EXT1: variants seen among roughly 807,000 people sequenced by gnomAD.
EXT1 encodes the protein exostosin glycosyltransferase 1.
EXT1 carries 20 observed loss-of-function variants against 82.5 expected under a neutral mutation model. The observed-to-expected ratio is 0.24, with a 90% CI of 0.17 to 0.35. The LOEUF is 0.35. Ranked by LOEUF, EXT1 falls within the 10% of genes least tolerant of loss-of-function variation. EXT1 has a pLI of 1.00. For synonymous variants in EXT1, 348 were observed against 350.8 expected (o/e 0.99, Z 0.09); for missense variants, 757 against 936.5 (o/e 0.81, Z 2.50).
At chr8:117,996,127 C>T (rs961859864) in intron 1 of EXT1, among the ~76,000 whole-genome samples, 7 of 152,158 alleles carry the variant, frequency 4.6e-5, no homozygotes, top group Non-Finnish European at 1.0e-4. Flanking sequence ...GGCTACTTCC[C>T]TTGGTTCCTT....
intron 1 of EXT1, among the ~76,000 whole-genome samples, chr8:117,893,682 G>T (rs140690096): frequency 1.3e-5 from 2 of 152,136 alleles, no homozygotes; most frequent in Non-Finnish European, 2.9e-5. Context: ...GACTAACCAC[G>T]CTTTGAGCAA....
chr8:118,024,562 T>C (rs943194301), intron 1 of EXT1, among the ~76,000 whole-genome samples: 3 of 152,158 alleles, frequency 2.0e-5, no homozygotes, highest in African/African-American at 7.2e-5. Flanking sequence ...TCTGTCTTCT[T>C]GGAACTTGCA....
At chr8:117,851,132 GA>G (rs1262302235) in intron 1 of EXT1, among the ~76,000 whole-genome samples, 1 of 151,892 alleles carries the variant, frequency 6.6e-6, no homozygotes. Flanking sequence ...ACAAGGGAGG[GA>G]ATCATAAAAT....
chr8:118,022,329 T>TC (rs1209519115), intron 1 of EXT1, among the ~76,000 whole-genome samples: 18 of 92,726 alleles, frequency 1.9e-4, no homozygotes, highest in South Asian at 3.8e-4. Context: ...ATATATTCTT[T>TC]TTTTTTTTTT....
intron 10 of EXT1, among the ~76,000 whole-genome samples, chr8:117,800,328 A>C (rs888808108): frequency 2.6e-5 from 4 of 152,106 alleles, no homozygotes; most frequent in Non-Finnish European, 5.9e-5. Flanking sequence ...ATACCCACCA[A>C]CTTTTAGAAG....
chr8:117,984,843 G>A (rs551541243), intron 1 of EXT1, among the ~76,000 whole-genome samples: 3 of 152,268 alleles, frequency 2.0e-5, no homozygotes, highest in African/African-American at 4.8e-5. Context: ...AACTCAAAAT[G>A]AGGAGGAAAC....
intron 1 of EXT1, among the ~76,000 whole-genome samples, chr8:117,849,584 TTCTCTC>T (rs1224439208): frequency 3.3e-5 from 5 of 152,164 alleles, no homozygotes; most frequent in African/African-American, 1.2e-4. Context: ...GACGCTAGCT[TTCTCTC>T]TCTAGTTAAT....
intron 1 of EXT1, among the ~76,000 whole-genome samples, chr8:117,980,697 G>GT (rs1491146564): frequency 0.12 from 3,263 of 27,120 alleles, 419 homozygotes; most frequent in East Asian, 0.16. Flanking sequence ...GGGTGTTGGT[G>GT]GTTTTTTTTT....
intron 1 of EXT1, among the ~76,000 whole-genome samples, chr8:118,096,668 A>AAGGAAGGG: frequency 1.1e-5 from 1 of 93,400 alleles, no homozygotes; most frequent in Admixed American, 1.1e-4. Flanking sequence ...GGAAGGAAGG[A>AAGGAAGGG]AGGAAGGGAG....
chr8:118,104,551 C>G (rs1273611421), intron 1 of EXT1, among the ~76,000 whole-genome samples: 2 of 152,160 alleles, frequency 1.3e-5, no homozygotes, highest in African/African-American at 4.8e-5. Context: ...TCTCAAACAC[C>G]TTGTTCAGAA....
At chr8:118,059,762 C>G (rs1439893007) in intron 1 of EXT1, among the ~76,000 whole-genome samples, 2 of 152,200 alleles carry the variant, frequency 1.3e-5, no homozygotes, top group Non-Finnish European at 2.9e-5. Flanking sequence ...GAGGAAGGAC[C>G]AATTTCTATA....
At chr8:117,879,948 T>C (rs1165114488) in intron 1 of EXT1, among the ~76,000 whole-genome samples, 1 of 152,214 alleles carries the variant, frequency 6.6e-6, no homozygotes, top group Non-Finnish European at 1.5e-5. Context: ...TGTTAATTTA[T>C]AAATAAAACA....
intron 1 of EXT1, among the ~76,000 whole-genome samples, chr8:117,939,899 T>C (rs375133316): frequency 6.6e-6 from 1 of 152,194 alleles, no homozygotes; most frequent in East Asian, 1.9e-4. Flanking sequence ...AAACAGAAGA[T>C]TGTTGAGAAA....
chr8:117,988,021 G>T (rs1468320883), intron 1 of EXT1, among the ~76,000 whole-genome samples: 1 of 152,208 alleles, frequency 6.6e-6, no homozygotes, highest in African/African-American at 2.4e-5. Flanking sequence ...CTGGAAAGTT[G>T]AGGCTGTGGT....
chr8:117,913,832 A>G (rs1189233542), intron 1 of EXT1, among the ~76,000 whole-genome samples: 1 of 152,244 alleles, frequency 6.6e-6, no homozygotes, highest in East Asian at 1.9e-4. Context: ...GGAAGAATGA[A>G]CAACTCATTC....
intron 3 of EXT1, chr8:117,831,734 T>C (rs899536284): frequency 6.0e-5 from 28 of 465,152 alleles, no homozygotes; most frequent in Admixed American, 3.6e-4. Flanking sequence ...TGTAACAGAG[T>C]TTCCATTGGA....
chr8:117,968,700 G>T (rs1814878490), intron 1 of EXT1, among the ~76,000 whole-genome samples: 1 of 102,128 alleles, frequency 9.8e-6, no homozygotes, highest in Admixed American at 9.8e-5. Context: ...CTCCCGAGTA[G>T]CTGGGACTAT....
At chr8:118,030,603 TC>T (rs1326964109) in intron 1 of EXT1, among the ~76,000 whole-genome samples, 5 of 152,166 alleles carry the variant, frequency 3.3e-5, no homozygotes, top group African/African-American at 1.2e-4. Flanking sequence ...TGGCTTAGCC[TC>T]CCGAATAGCT....
At chr8:118,057,669 T>C (rs1286020156) in intron 1 of EXT1, among the ~76,000 whole-genome samples, 1 of 126,272 alleles carries the variant, frequency 7.9e-6, no homozygotes, top group East Asian at 2.1e-4. Flanking sequence ...GTCTGGTCTC[T>C]TTAAAAAAAA....
Sources: allele counts gnomAD v4.1 joint callset (sites outside exome capture counted in the v4.1 genomes callset), GRCh38; gene constraint gnomAD v4.1.1; transcripts MANE v1.5; gene names NCBI Gene and HGNC (gene_info 2026-07-23, HGNC 2026-07-21).